Variants in DAB1 observed in about 807,000 individuals in gnomAD.
DAB1 encodes the protein DAB adaptor protein 1, also known as disabled homolog 1.
Under a neutral mutation model 64.6 loss-of-function variants are expected in DAB1, and 15 were observed. That is an observed-to-expected ratio of 0.23 (90% CI 0.16 to 0.36). The LOEUF (loss-of-function observed/expected upper bound fraction) is 0.36. Among genes scored for constraint, DAB1 ranks in the 10% least tolerant of loss-of-function variants. The pLI is 1.00. For synonymous variants in DAB1, 235 were observed against 251.9 expected (o/e 0.93, Z 0.64); for missense variants, 596 against 706.7 (o/e 0.84, Z 1.78).
intron 1 of DAB1, chr1:57,864,865 ATGAAACAACGCTTT>A (rs1654227449): frequency 1.3e-5 from 2 of 152,032 alleles, no homozygotes; most frequent in South Asian, 2.1e-4. Flanking sequence ...CTCATTCGTA[ATGAAACAACGCTTT>A]GTAAACCGTG....
In DAB1 at chr1:58,473,760, AC is replaced by A. The variant is rs569332572; in HGVS notation, n.257+32299del. 3.2e-3 allele frequency: 1,625 copies of A among 509,898 alleles called. 11 individuals carry two copies. Among genetic ancestry groups the A allele is most frequent in the Non-Finnish European group, 3.6e-3 (1,029 of 287,158 alleles). The allele number at this position is 509,898 out of a possible 1,614,324, so 31.6% of individuals were successfully genotyped here. Reference sequence around the variant, plus strand: ...GACTTGATCTTACCAAGCCCTAATGACCCCATCTCCAGAACAGTCTGACCCA... The same window carrying A: ...GACTTGATCTTACCAAGCCCTAATGACCCATCTCCAGAACAGTCTGACCCA... On this transcript the variant is annotated intron_variant and non_coding_transcript_variant, in intron 3 of 20. Coordinates refer to the DAB1 transcript ENST00000485760.
chr1:57,098,546 C>G (rs1455622933), intron 4 of DAB1, among the ~76,000 whole-genome samples: 1 of 152,142 alleles, frequency 6.6e-6, no homozygotes. Flanking sequence ...ACCTCTAACA[C>G]TCTATGAAAG....
intron 5 of DAB1, among the ~76,000 whole-genome samples, chr1:57,964,558 G>A (rs573258009): frequency 1.4e-4 from 21 of 152,236 alleles, no homozygotes; most frequent in African/African-American, 4.3e-4. Context: ...AGTATTTACC[G>A]AGTGTCTATA....
chr1:57,230,665 C>CAT (rs34672508), intron 2 of DAB1, among the ~76,000 whole-genome samples: 92,166 of 151,676 alleles, frequency 0.61, 29,351 homozygotes, highest in East Asian at 0.85. Context: ...TTTGAGGGTA[C>CAT]ATGTGATATT....
chr1:58,300,352 C>A (rs1305019922), intron 4 of DAB1, among the ~76,000 whole-genome samples: 1 of 151,656 alleles, frequency 6.6e-6, no homozygotes, highest in Non-Finnish European at 1.5e-5. Flanking sequence ...TTGAGATCAG[C>A]CTGGCCAACA....
At chr1:58,268,548 T>A (rs1661230571) in intron 4 of DAB1, among the ~76,000 whole-genome samples, 1 of 152,138 alleles carries the variant, frequency 6.6e-6, no homozygotes, top group Admixed American at 6.5e-5. Context: ...CAAGAGGACA[T>A]AGGGGTGAAT....
intron 6 of DAB1, among the ~76,000 whole-genome samples, chr1:57,710,542 G>A (rs74075840): frequency 0.011 from 1,609 of 152,176 alleles, 17 homozygotes; most frequent in African/African-American, 0.03. Flanking sequence ...GTATTAGTCG[G>A]TTTTCCCAAA....
intron 4 of DAB1, among the ~76,000 whole-genome samples, chr1:57,121,116 AG>A (rs1570730309): frequency 6.7e-6 from 1 of 149,628 alleles, no homozygotes; most frequent in Admixed American, 6.7e-5. Context: ...GAAGAAGAAG[AG>A]GAAGAAGAAG....
In DAB1 at chr1:57,608,571, T is replaced by C. The variant is rs1197616999; in HGVS notation, n.625+41021A>G. 2.6e-5 allele frequency among the ~76,000 whole-genome samples: 4 copies of C among 152,308 alleles called. No individual in the cohort carries two copies. The East Asian group carries it at 7.7e-4, about 29-fold the overall frequency. ...GTTATTCTCCTTTTAATTAATACCA[T>C]CAAACAAATTAGTATTAAATACTTG... On this transcript the variant is annotated intron_variant and non_coding_transcript_variant, in intron 7 of 20. Transcript: ENST00000485760.
intron 4 of DAB1, among the ~76,000 whole-genome samples, chr1:58,182,335 T>A (rs1455281849): frequency 6.6e-6 from 1 of 151,964 alleles, no homozygotes; most frequent in East Asian, 1.9e-4. Flanking sequence ...TTTTTTAAAT[T>A]AAATTTGGTG....
intron 4 of DAB1, among the ~76,000 whole-genome samples, chr1:58,232,332 T>C (rs1427471603): frequency 6.6e-6 from 1 of 152,218 alleles, no homozygotes; most frequent in Middle Eastern, 3.2e-3. Flanking sequence ...TCCTTCAGCA[T>C]GCCTAACTCA....
chr1:57,002,942 A>T (rs1645925515), intron 14 of DAB1, among the ~76,000 whole-genome samples: 1 of 152,190 alleles, frequency 6.6e-6, no homozygotes, highest in African/African-American at 2.4e-5. Flanking sequence ...AACATAGGAG[A>T]TACTCCAAAA....
intron 4 of DAB1, among the ~76,000 whole-genome samples, chr1:58,181,515 CCTT>C (rs1218542986): frequency 1.3e-5 from 2 of 151,966 alleles, no homozygotes; most frequent in South Asian, 2.1e-4. Context: ...TTGTGCTCCT[CCTT>C]AATTGCCTTC....
intron 3 of DAB1, among the ~76,000 whole-genome samples, chr1:58,403,770 A>C (rs532758280): frequency 1.3e-5 from 2 of 152,164 alleles, no homozygotes; most frequent in Non-Finnish European, 2.9e-5. Context: ...CCATGCCGCT[A>C]CCTTCCCATC....
intron 1 of DAB1, among the ~76,000 whole-genome samples, chr1:57,834,692 T>C (rs573923750): frequency 5.9e-5 from 9 of 151,682 alleles, no homozygotes; most frequent in African/African-American, 2.2e-4. Flanking sequence ...TGTATAGATA[T>C]ATATTATATA....
At chr1:57,563,447 A>C (rs1395369174) in intron 7 of DAB1, among the ~76,000 whole-genome samples, 5 of 152,058 alleles carry the variant, frequency 3.3e-5, no homozygotes, top group Non-Finnish European at 1.5e-5. Context: ...TGGGTGCAGG[A>C]CAGTGGGTGC....
chr1:57,076,286 G>A (rs1651983922), intron 4 of DAB1, among the ~76,000 whole-genome samples: 1 of 152,210 alleles, frequency 6.6e-6, no homozygotes, highest in Non-Finnish European at 1.5e-5. Context: ...AGGAAAGGCA[G>A]ATGCTGGTTG....
chr1:57,799,348 A>G (rs1463876019), intron 6 of DAB1, among the ~76,000 whole-genome samples: 1 of 152,102 alleles, frequency 6.6e-6, no homozygotes, highest in South Asian at 2.1e-4. Context: ...GGTGGCTTCC[A>G]CTTCTTTCTA....
chr1:57,823,351 C>A (rs1460228319), downstream of DAB1, among the ~76,000 whole-genome samples: 1 of 151,530 alleles, frequency 6.6e-6, no homozygotes, highest in African/African-American at 2.4e-5. Context: ...GGATTCTAAA[C>A]CTGAGTTGGA....
Sources: gnomAD v4.1 joint callset for allele counts (sites outside exome capture counted in the v4.1 genomes callset) on GRCh38, gnomAD v4.1.1 for gene constraint, MANE v1.5 for transcripts, NCBI Gene and HGNC (gene_info 2026-07-23, HGNC 2026-07-21) for gene names.